Variants in COL19A1 observed in about 807,000 individuals in gnomAD.
The protein encoded by COL19A1 is collagen alpha-1(XIX) chain.
COL19A1 carries 159 observed loss-of-function variants against 190.2 expected under a neutral mutation model. That is an observed-to-expected ratio of 0.84 (90% CI 0.73 to 0.95). The LOEUF (loss-of-function observed/expected upper bound fraction) is 0.95. COL19A1 is among the 40% of genes least tolerant of loss of function. The pLI, the probability that COL19A1 is intolerant of heterozygous loss-of-function variation, is 0.00. For synonymous variants in COL19A1, 509 were observed against 458.9 expected (o/e 1.11, Z -1.39); for missense variants, 1,418 against 1,431.9 (o/e 0.99, Z 0.16).
intron 1 of COL19A1, chr6:69,867,320 A>C (rs1315163855): frequency 6.6e-6 from 1 of 152,646 alleles, no homozygotes; most frequent in African/African-American, 2.4e-5. Flanking sequence ...CCTGTTCCTT[A>C]ATTACCCTGC....
chr6:70,176,190 T>C (rs959231351), intron 41 of COL19A1, among the ~76,000 whole-genome samples: 1 of 152,186 alleles, frequency 6.6e-6, no homozygotes, highest in Non-Finnish European at 1.5e-5. Flanking sequence ...CTTTTGAACA[T>C]GTAGAATAAA....
At chr6:70,090,649 T>C (rs1782863706) in intron 15 of COL19A1, among the ~76,000 whole-genome samples, 1 of 152,180 alleles carries the variant, frequency 6.6e-6, no homozygotes, top group Non-Finnish European at 1.5e-5. Context: ...ATTGAGCTTC[T>C]GTATTAAATG....
At chr6:69,984,917 C>T (rs1406446473) in intron 11 of COL19A1, among the ~76,000 whole-genome samples, 1 of 152,080 alleles carries the variant, frequency 6.6e-6, no homozygotes, top group Non-Finnish European at 1.5e-5. Context: ...TAATTTTCTT[C>T]ATTTTAAAGA....
intron 39 of COL19A1, 29 bp downstream of exon 39, chr6:70,168,244 A>G (rs781157703): frequency 1.2e-6 from 2 of 1,605,756 alleles, no homozygotes; most frequent in East Asian, 4.5e-5. Flanking sequence ...CATCAAACAC[A>G]CTTTAGCTGA....
In COL19A1 at chr6:69,955,521, AAG is replaced by A. The variant is rs879467649; in HGVS notation, c.937-4474_937-4473del. ...ACAAAACTGTATAGTAGCCACAGCA[AAG>A]TGTGTGTGTGTGTGTGTGTGTGTGT... On this transcript the variant is annotated intron_variant, in intron 9 of 50. Coordinates refer to ENST00000620364, the MANE Select transcript of COL19A1 (RefSeq NM_001858.6). Among the ~76,000 whole-genome samples, 182 of 129,794 alleles carry A rather than the reference AAG, an allele frequency of 1.4e-3. 2 individuals carry two copies. The South Asian group carries it at 0.017, about 12-fold the overall frequency. The allele number at this position is 129,794 out of a possible 152,430, so 85.1% of individuals were successfully genotyped here. A position where few individuals can be genotyped will look rare whatever the true frequency, so the allele number is the denominator to read the frequency against.
At position 69,927,974 on chromosome 6, in the gene COL19A1, A is replaced by G. The variant is rs1562006212; in HGVS notation, c.332A>G (p.Asn111Ser). The change falls in exon 5 of 51, where the codon AAC becomes AGC. Residue 111 changes from asparagine (N) to serine (S), a missense_variant. Coordinates refer to ENST00000620364, the MANE Select transcript of COL19A1 (RefSeq NM_001858.6). ...GCTGCCATGTTTCGAGTACGAAGAA[A>G]CGCCAAAAAGGAACGGTGGTTTCTG... ...SVAAMFRVRR[N>S]AKKERWFLWQ... is the part of the protein sequence containing the mutation. 1 of 1,613,356 alleles carries G rather than the reference A, an allele frequency of 6.2e-7. No homozygotes were observed. The highest frequency in any genetic ancestry group is 2.2e-5 in the East Asian group (1 of 44,868).
chr6:70,061,939 G>C (rs1001307868), intron 14 of COL19A1, among the ~76,000 whole-genome samples: 1 of 151,936 alleles, frequency 6.6e-6, no homozygotes, highest in African/African-American at 2.4e-5. Flanking sequence ...CTAGGAATTT[G>C]CCATTTTAAA....
At chr6:69,900,574 A>ATTAAATT (rs1486972034) in intron 4 of COL19A1, among the ~76,000 whole-genome samples, 116 of 152,292 alleles carry the variant, frequency 7.6e-4, no homozygotes, top group African/African-American at 2.7e-3. Flanking sequence ...TCATTAGAGA[A>ATTAAATT]CAGTAATTAA....
At chr6:70,066,950 T>G (rs1351285695) in intron 14 of COL19A1, among the ~76,000 whole-genome samples, 1 of 152,146 alleles carries the variant, frequency 6.6e-6, no homozygotes, top group African/African-American at 2.4e-5. Flanking sequence ...AAACTTTTAT[T>G]GGAGTGGATG....
chr6:70,137,306 A>G (rs540833652), intron 18 of COL19A1, among the ~76,000 whole-genome samples: 128 of 152,288 alleles, frequency 8.4e-4, no homozygotes, highest in African/African-American at 2.8e-3. Context: ...AGTCTGGATT[A>G]TTGTGCCAGT....
chr6:69,877,061 G>T (rs1016601728), intron 1 of COL19A1, among the ~76,000 whole-genome samples: 3 of 152,116 alleles, frequency 2.0e-5, no homozygotes, highest in African/African-American at 7.2e-5. Context: ...GGTGGCTTTA[G>T]TTTTTTTCCA....
At chr6:70,000,711 G>A (rs1777209122) in intron 11 of COL19A1, among the ~76,000 whole-genome samples, 1 of 151,966 alleles carries the variant, frequency 6.6e-6, no homozygotes, top group African/African-American at 2.4e-5. Flanking sequence ...TTTTTGATGG[G>A]GTTGTTTGCT....
intron 10 of COL19A1, among the ~76,000 whole-genome samples, chr6:69,961,056 A>G (rs1257606801): frequency 6.6e-6 from 1 of 152,146 alleles, no homozygotes; most frequent in Non-Finnish European, 1.5e-5. Context: ...GCCAGCTGTC[A>G]TGATACCATC....
chr6:70,016,523 G>T (rs1051511158), intron 11 of COL19A1, among the ~76,000 whole-genome samples: 8 of 149,176 alleles, frequency 5.4e-5, no homozygotes, highest in Non-Finnish European at 1.0e-4. Flanking sequence ...GAAACTTATT[G>T]TATGCTGGTT....
At chr6:70,167,957 A>C in intron 37 of COL19A1, 68 bp from the exon 38 acceptor site, 1 of 1,179,336 alleles carries the variant, frequency 8.5e-7, no homozygotes, top group East Asian at 2.4e-5. Context: ...ATTTGGTAAA[A>C]TGATAAAATG....
chr6:69,926,767 G>A (rs541419776), intron 4 of COL19A1, among the ~76,000 whole-genome samples: 1 of 152,054 alleles, frequency 6.6e-6, no homozygotes, highest in African/African-American at 2.4e-5. Context: ...CATTCAGGAA[G>A]CTCAACAGAC....
intron 16 of COL19A1, among the ~76,000 whole-genome samples, chr6:70,103,480 T>C (rs1027567235): frequency 6.6e-6 from 1 of 152,194 alleles, no homozygotes; most frequent in Non-Finnish European, 1.5e-5. Context: ...GCTTCTTTTT[T>C]CTTCAAGAAA....
intron 48 of COL19A1, among the ~76,000 whole-genome samples, chr6:70,192,164 G>A (rs566591691): frequency 1.5e-4 from 23 of 152,198 alleles, no homozygotes; most frequent in African/African-American, 4.3e-4. Flanking sequence ...GGGTTCAAGC[G>A]ATTCTCCTGC....
At chr6:69,941,581 T>C (rs1464331289) in intron 9 of COL19A1, among the ~76,000 whole-genome samples, 3 of 152,174 alleles carry the variant, frequency 2.0e-5, no homozygotes, top group Non-Finnish European at 2.9e-5. Context: ...GATCAATAGT[T>C]GATTTCTTCA....
Sources: allele counts gnomAD v4.1 joint callset (sites outside exome capture counted in the v4.1 genomes callset), GRCh38; gene constraint gnomAD v4.1.1; transcripts MANE v1.5; gene names NCBI Gene and HGNC (gene_info 2026-07-23, HGNC 2026-07-21).